ATAD2B: variants seen among roughly 807,000 people sequenced by gnomAD.
ATAD2B encodes the protein ATPase family AAA domain-containing protein 2B.
ATAD2B carries 40 observed loss-of-function variants against 167.6 expected under a neutral mutation model. That is an observed-to-expected ratio of 0.24 (90% confidence interval 0.19 to 0.31). The LOEUF is 0.31. ATAD2B is among the 10% of genes least tolerant of loss of function. The pLI is 1.00. For missense variants in ATAD2B, 1,242 were observed against 1,757.2 expected (o/e 0.71, Z 5.24); for synonymous variants, 579 against 596.5 (o/e 0.97, Z 0.43).
intron 24 of ATAD2B, among the ~76,000 whole-genome samples, chr2:23,761,721 T>C (rs1384992345): frequency 6.6e-6 from 1 of 152,220 alleles, no homozygotes; most frequent in Non-Finnish European, 1.5e-5. Flanking sequence ...TCCCTTTAAA[T>C]ACATCTCACA....
chr2:23,829,597 G>GT (rs1286523932), intron 14 of ATAD2B, among the ~76,000 whole-genome samples: 4 of 151,976 alleles, frequency 2.6e-5, no homozygotes, highest in Non-Finnish European at 4.4e-5. Context: ...CAAAAAAATT[G>GT]TTTTTTAATT....
At chr2:23,866,557 A>G (rs1170150415) in intron 10 of ATAD2B, among the ~76,000 whole-genome samples, 1 of 152,214 alleles carries the variant, frequency 6.6e-6, no homozygotes, top group Non-Finnish European at 1.5e-5. Flanking sequence ...GAAATTAACT[A>G]GATTCAAAAG....
chr2:23,866,729 G>C (rs910855527), intron 10 of ATAD2B, among the ~76,000 whole-genome samples: 1 of 152,094 alleles, frequency 6.6e-6, no homozygotes, highest in African/African-American at 2.4e-5. Flanking sequence ...CTTCAGATTA[G>C]AGATAGTTAA....
chr2:23,738,017 C>G, the ATAD2B span, among the ~76,000 whole-genome samples: 2 of 152,038 alleles, frequency 1.3e-5, no homozygotes, highest in Non-Finnish European at 2.9e-5. Flanking sequence ...TAAAAAGAAA[C>G]GAACAAAGCC....
chr2:23,896,614 C>T (rs879500070), intron 1 of ATAD2B, among the ~76,000 whole-genome samples: 2 of 152,088 alleles, frequency 1.3e-5, no homozygotes, highest in African/African-American at 2.4e-5. Context: ...AAAACAAGGG[C>T]ACTTTGCTAC....
At chr2:23,770,501 G>C (rs983856113) in intron 22 of ATAD2B, among the ~76,000 whole-genome samples, 2 of 152,126 alleles carry the variant, frequency 1.3e-5, no homozygotes, top group Admixed American at 6.5e-5. Flanking sequence ...TTAAGTTCTT[G>C]TATACAGGTA....
At chr2:23,701,726 A>G in the ATAD2B span, among the ~76,000 whole-genome samples, 2 of 151,644 alleles carry the variant, frequency 1.3e-5, no homozygotes, top group African/African-American at 4.9e-5. Context: ...CAAACAAACA[A>G]ACCTTCACCC....
At chr2:23,721,571 TACCCCC>T in the ATAD2B span, among the ~76,000 whole-genome samples, 2 of 151,854 alleles carry the variant, frequency 1.3e-5, no homozygotes, top group African/African-American at 4.8e-5. Flanking sequence ...CAGGCAGACA[TACCCCC>T]AGGCCAGCCA....
chr2:23,806,929 T>A (rs1303329551), intron 18 of ATAD2B, among the ~76,000 whole-genome samples: 1 of 152,224 alleles, frequency 6.6e-6, no homozygotes, highest in Non-Finnish European at 1.5e-5. Flanking sequence ...TAAAGAAATT[T>A]AGCACAGTAA....
At chr2:23,914,798 G>A (rs1379896670) in intron 1 of ATAD2B, among the ~76,000 whole-genome samples, 2 of 150,276 alleles carry the variant, frequency 1.3e-5, no homozygotes, top group African/African-American at 2.5e-5. Context: ...AGCCAAGATC[G>A]CGCCACTGCA....
intron 20 of ATAD2B, among the ~76,000 whole-genome samples, chr2:23,786,674 G>A (rs1283504210): frequency 1.3e-5 from 2 of 152,070 alleles, no homozygotes; most frequent in Non-Finnish European, 2.9e-5. Flanking sequence ...TGTGAAACAT[G>A]CAAATCCAGC....
chr2:23,850,108 T>G (rs1692327296), intron 13 of ATAD2B, among the ~76,000 whole-genome samples: 1 of 130,958 alleles, frequency 7.6e-6, no homozygotes, highest in Admixed American at 9.2e-5. Flanking sequence ...GCGCCACTGC[T>G]GGAGTGGGCA....
At chr2:23,897,690 T>C (rs1700315061) in intron 1 of ATAD2B, among the ~76,000 whole-genome samples, 2 of 152,194 alleles carry the variant, frequency 1.3e-5, no homozygotes, top group South Asian at 2.1e-4. Flanking sequence ...TTCAAAGCAA[T>C]TCCTGTGTCT....
intron 13 of ATAD2B, among the ~76,000 whole-genome samples, chr2:23,853,408 T>G (rs966178505): frequency 2.0e-5 from 3 of 152,238 alleles, no homozygotes; most frequent in Non-Finnish European, 4.4e-5. Context: ...CAGTTGTATT[T>G]TTATAAACCA....
intron 7 of ATAD2B, among the ~76,000 whole-genome samples, chr2:23,879,962 G>A (rs1697605358): frequency 6.6e-6 from 1 of 151,808 alleles, no homozygotes; most frequent in Admixed American, 6.6e-5. Context: ...GGAGGCTGAG[G>A]CAGGAGAATT....
chr2:23,924,108 C>CGG (rs11436674), intron 1 of ATAD2B, among the ~76,000 whole-genome samples: 4 of 151,634 alleles, frequency 2.6e-5, no homozygotes, highest in South Asian at 2.1e-4. Context: ...GCGTGAACCC[C>CGG]GGGGGGCGGA....
intron 17 of ATAD2B, among the ~76,000 whole-genome samples, chr2:23,813,269 A>C (rs1052881868): frequency 6.7e-6 from 1 of 148,696 alleles, no homozygotes; most frequent in African/African-American, 2.5e-5. Context: ...TGTTTATAAA[A>C]ATTATATGAA....
At chr2:23,770,251 G>A (rs1202160616) in intron 22 of ATAD2B, among the ~76,000 whole-genome samples, 1 of 151,992 alleles carries the variant, frequency 6.6e-6, no homozygotes, top group Non-Finnish European at 1.5e-5. Context: ...AGGAGGCGGA[G>A]GTTGCAATGA....
chr2:23,740,060 T>C, the ATAD2B span, among the ~76,000 whole-genome samples: 4 of 152,272 alleles, frequency 2.6e-5, no homozygotes, highest in East Asian at 5.8e-4. Flanking sequence ...AAATAATCAA[T>C]AGCTTACCAA....
Sources: gnomAD v4.1 joint callset for allele counts (sites outside exome capture counted in the v4.1 genomes callset) on GRCh38, gnomAD v4.1.1 for gene constraint, MANE v1.5 for transcripts, NCBI Gene and HGNC (gene_info 2026-07-23, HGNC 2026-07-21) for gene names.